Variants in PIK3CD observed in about 807,000 individuals in gnomAD.
PIK3CD encodes phosphatidylinositol-4,5-bisphosphate 3-kinase catalytic subunit delta.
PIK3CD carries 20 observed loss-of-function variants against 122.9 expected under a neutral mutation model. That is an observed-to-expected ratio of 0.16 (90% confidence interval 0.11 to 0.24). The LOEUF is 0.24. Ranked by LOEUF, PIK3CD falls within the 10% of genes least tolerant of loss-of-function variation. PIK3CD has a pLI of 1.00. For missense variants in PIK3CD, 787 were observed against 1,406.3 expected (o/e 0.56, Z 7.04); for synonymous variants, 596 against 593.4 (o/e 1.00, Z -0.06).
the PIK3CD span, among the ~76,000 whole-genome samples, chr1:9,629,720 A>C: frequency 6.6e-6 from 1 of 151,680 alleles, no homozygotes; most frequent in Admixed American, 6.6e-5. Context: ...GTCTAAAACA[A>C]AGCCCCTCGC....
At chr1:9,692,535 GCCAA>G (rs367847179) in intron 2 of PIK3CD, among the ~76,000 whole-genome samples, 8,786 of 151,992 alleles carry the variant, frequency 0.058, 329 homozygotes, top group Non-Finnish European at 0.09. Context: ...GACCAGCCTG[GCCAA>G]CCAACATGGT....
chr1:9,712,381 A>G (rs1303445104), intron 3 of PIK3CD, among the ~76,000 whole-genome samples: 1 of 151,140 alleles, frequency 6.6e-6, no homozygotes, highest in Non-Finnish European at 1.5e-5. Flanking sequence ...CCCAGGTTCA[A>G]GCAATTCTCC....
At chr1:9,672,818 T>C (rs1403952139) in intron 1 of PIK3CD, 1 of 152,128 alleles carries the variant, frequency 6.6e-6, no homozygotes, top group Non-Finnish European at 1.5e-5. Context: ...TAAGATGCAT[T>C]ACCTCAAATG....
intron 2 of PIK3CD, among the ~76,000 whole-genome samples, chr1:9,693,944 C>G (rs540593066): frequency 1.4e-4 from 22 of 152,206 alleles, no homozygotes; most frequent in African/African-American, 5.1e-4. Flanking sequence ...GACCACCCCC[C>G]CAGGCCACAT....
chr1:9,710,513 G>T lies in PIK3CD; in HGVS notation c.58G>T (p.Val20Phe). ...CTGGACCAAGGAGGAGAATCAGAGC[G>T]TTGTGGTTGACTTCCTGCTGCCCAC... ...EFWTKEENQS[V>F]VVDFLLPTGV... Residue 20 changes from valine (V) to phenylalanine (F), a missense_variant, in exon 3 of 24, where the codon GTT becomes TTT. This residue lies in a region of PIK3CD where 592 missense variants were observed against 920.6 expected (regional missense o/e 0.64). Transcript: ENST00000377346. This position sits in a 1 kb window ranked among gnomAD's most constrained non-coding sequence, Gnocchi z 4.7. 1 of 1,614,108 alleles carries T rather than the reference G, an allele frequency of 6.2e-7. No homozygotes were observed. The highest frequency in any genetic ancestry group is 8.5e-7 in the Non-Finnish European group (1 of 1,179,966).
the PIK3CD span, among the ~76,000 whole-genome samples, chr1:9,634,648 A>G: frequency 2.6e-5 from 4 of 152,172 alleles, no homozygotes; most frequent in African/African-American, 4.8e-5. Context: ...GTCACTGAAA[A>G]TAGTTTAACT....
Position 9,700,200 on chromosome 1 carries a change from G to A in PIK3CD, c.-33+8629G>A, listed in dbSNP as rs1646574608. ...GGCTGGAATGCAGTGGTGTGATCTCGGCTCATTGCAGCCTCCCCCTCGCAG... is the reference window on the plus strand; with the variant it reads ...GGCTGGAATGCAGTGGTGTGATCTCAGCTCATTGCAGCCTCCCCCTCGCAG... On this transcript the variant is annotated intron_variant, in intron 2 of 23. Coordinates refer to ENST00000377346, the MANE Select transcript of PIK3CD (RefSeq NM_005026.5). This position sits in a 1 kb window ranked among gnomAD's most constrained non-coding sequence, Gnocchi z 5.1. 1.3e-5 allele frequency among the ~76,000 whole-genome samples: 2 copies of A among 151,218 alleles called. No individual in the cohort carries two copies. The highest frequency in any genetic ancestry group is 2.1e-4 in the South Asian group (1 of 4,764).
At chr1:9,703,286 C>T (rs1646715262) in intron 2 of PIK3CD, among the ~76,000 whole-genome samples, 1 of 152,264 alleles carries the variant, frequency 6.6e-6, no homozygotes, top group Non-Finnish European at 1.5e-5. Context: ...AAGTCTCATT[C>T]CCACCTCCAA....
In PIK3CD at chr1:9,727,812, T is replaced by C. The variant is rs992868099; in HGVS notation, c.*766T>C. On this transcript the variant is annotated 3_prime_UTR_variant, in exon 24 of 24. Transcript: ENST00000377346. ...CTCTGCCATTATCTCAAAAATCTTTTTTTTTTTTTTGAGATGGGGTCTTCC... is the reference window on the plus strand; with the variant it reads ...CTCTGCCATTATCTCAAAAATCTTTCTTTTTTTTTTGAGATGGGGTCTTCC... 5.4e-6 allele frequency: 1 copy of C among 186,794 alleles called. No individual in the cohort carries two copies. Among genetic ancestry groups the C allele is most frequent in the African/African-American group, 2.3e-5 (1 of 42,586 alleles). 11.6% of individuals were successfully genotyped at this position (186,794 alleles called of 1,614,324 possible). A position where few individuals can be genotyped will look rare whatever the true frequency, so the allele number is the denominator to read the frequency against.
rs1188085902 is a variant in PIK3CD at position 9,689,365 on chromosome 1, A to C, written c.-137-2102A>C. 6.6e-6 allele frequency among the ~76,000 whole-genome samples: 1 copy of C among 150,588 alleles called. No homozygotes were observed. Among genetic ancestry groups the C allele is most frequent in the Non-Finnish European group, 1.5e-5 (1 of 67,542 alleles). The stretch of plus-strand genomic sequence containing the variant: ...GGGTCGGGGAGGATTTGCAGCGTCC[A>C]CTCCTCTCTCCGCCGCCCGTGTGAG... On this transcript the variant is annotated intron_variant, in intron 1 of 23. Transcript: ENST00000377346. This position sits in a 1 kb window ranked among gnomAD's most constrained non-coding sequence, Gnocchi z 6.1.
chr1:9,629,583 G>A, the PIK3CD span, among the ~76,000 whole-genome samples: 2 of 151,944 alleles, frequency 1.3e-5, no homozygotes, highest in Non-Finnish European at 2.9e-5. Flanking sequence ...TGTGACCTTG[G>A]CCAGGTCACT....
chr1:9,648,505 T>C (rs1644627572), upstream of PIK3CD, among the ~76,000 whole-genome samples: 1 of 152,186 alleles, frequency 6.6e-6, no homozygotes, highest in Non-Finnish European at 1.5e-5. Flanking sequence ...TAGGAAACCT[T>C]AGGACGGGCC....
At chr1:9,709,472 C>T (rs1261513009) in intron 2 of PIK3CD, among the ~76,000 whole-genome samples, 2 of 151,956 alleles carry the variant, frequency 1.3e-5, no homozygotes, top group African/African-American at 4.8e-5. Context: ...TTTGGGAGGC[C>T]AGAGTGAGAA....
Position 9,718,551 on chromosome 1 carries a change from C to A in PIK3CD, c.1021-143C>A. On this transcript the variant is annotated intron_variant, in intron 8 of 23. Coordinates refer to ENST00000377346, the MANE Select transcript of PIK3CD (RefSeq NM_005026.5). The surrounding 1 kb of genome is among the most constrained non-coding windows in gnomAD (Gnocchi z 7.2). ...GCCGCTCATGCCCCTCAGGCCTTCC[C>A]TGTGCTGCACCACCTTCCTTCGTGT... The A allele has an allele frequency of 1.2e-6, 1 of 821,742 alleles. No homozygotes were observed. The highest frequency in any genetic ancestry group is 2.0e-6 in the Non-Finnish European group (1 of 498,064). 50.9% of individuals were successfully genotyped at this position (821,742 alleles called of 1,614,324 possible).
chr1:9,671,519 C>G (rs997539152), intron 1 of PIK3CD, among the ~76,000 whole-genome samples: 1 of 152,156 alleles, frequency 6.6e-6, no homozygotes, highest in Non-Finnish European at 1.5e-5. Flanking sequence ...GACAGGTGTT[C>G]CTGTCATGAG....
intron 2 of PIK3CD, among the ~76,000 whole-genome samples, chr1:9,699,845 G>A (rs1009146782): frequency 2.0e-5 from 3 of 152,150 alleles, no homozygotes; most frequent in Non-Finnish European, 4.4e-5. Flanking sequence ...TGCCCGCCTC[G>A]GCCTCCCAAA....
the PIK3CD span, among the ~76,000 whole-genome samples, chr1:9,627,986 C>G: frequency 6.6e-6 from 1 of 152,196 alleles, no homozygotes; most frequent in Admixed American, 6.5e-5. Context: ...GGGGTTGAGG[C>G]TGCAGTGAGC....
intron 3 of PIK3CD, among the ~76,000 whole-genome samples, chr1:9,712,053 C>T (rs926348755): frequency 2.0e-5 from 3 of 151,906 alleles, no homozygotes; most frequent in Admixed American, 1.3e-4. Context: ...CCCACCACCA[C>T]GCCCGGCTAA....
chr1:9,725,832 A>G (rs4486456), intron 23 of PIK3CD, among the ~76,000 whole-genome samples: 9,809 of 151,968 alleles, frequency 0.065, 838 homozygotes, highest in African/African-American at 0.2. Flanking sequence ...AGCCGAGATC[A>G]TGCCACTGCA....
Sources: gnomAD v4.1 joint callset for allele counts (sites outside exome capture counted in the v4.1 genomes callset) on GRCh38, gnomAD v4.1.1 for gene constraint, gnomAD v4.1.1 regional missense constraint, Gnocchi (gnomAD v3.1) non-coding constraint, MANE v1.5 for transcripts, NCBI Gene and HGNC (gene_info 2026-07-23, HGNC 2026-07-21) for gene names.